Variants in GNG12 observed in about 807,000 individuals in gnomAD.
GNG12 encodes the protein G protein subunit gamma 12.
For missense variants in GNG12, 69 were observed against 83.8 expected, an observed-to-expected ratio of 0.82 and a Z score of 0.69; for synonymous variants, 28 against 29.7, an observed-to-expected ratio of 0.94 and a Z score of 0.19.
At chr1:67,786,589 A>T (rs550622611) in intron 1 of GNG12, among the ~76,000 whole-genome samples, 26 of 152,186 alleles carry the variant, frequency 1.7e-4, no homozygotes, top group Admixed American at 9.8e-4. Context: ...TGTGTTTGGC[A>T]ATGTGGAAGG....
chr1:67,751,323 C>G (rs1254206034), intron 2 of GNG12, among the ~76,000 whole-genome samples: 2 of 152,188 alleles, frequency 1.3e-5, no homozygotes, highest in Non-Finnish European at 2.9e-5. Flanking sequence ...AGTTGTTCAA[C>G]AGAGAGGCAG....
At chr1:67,782,408 G>A (rs751065754) in intron 1 of GNG12, among the ~76,000 whole-genome samples, 3 of 152,118 alleles carry the variant, frequency 2.0e-5, no homozygotes, top group Non-Finnish European at 2.9e-5. Context: ...GGTACACCCC[G>A]AAAGGTTGAA....
intron 2 of GNG12, among the ~76,000 whole-genome samples, chr1:67,751,411 A>C (rs112427809): frequency 5.3e-5 from 8 of 152,188 alleles, no homozygotes; most frequent in Admixed American, 5.2e-4. Context: ...TATCTGAAGA[A>C]AAAAGCTTTC....
intron 1 of GNG12, among the ~76,000 whole-genome samples, chr1:67,806,467 T>C (rs1034778064): frequency 7.9e-5 from 12 of 152,028 alleles, no homozygotes; most frequent in Non-Finnish European, 1.5e-4. Context: ...CAACTTTCCA[T>C]ATGTGTGCGT....
chr1:67,723,102 C>G (rs1477527232), intron 2 of GNG12, among the ~76,000 whole-genome samples: 2 of 152,128 alleles, frequency 1.3e-5, no homozygotes, highest in African/African-American at 2.4e-5. Flanking sequence ...CAGATGGAAG[C>G]AATTACAATG....
chr1:67,789,388 A>G (rs1646788298), intron 1 of GNG12, among the ~76,000 whole-genome samples: 1 of 152,224 alleles, frequency 6.6e-6, no homozygotes, highest in African/African-American at 2.4e-5. Flanking sequence ...TTGTATTTGA[A>G]TGGAACTATA....
intron 1 of GNG12, among the ~76,000 whole-genome samples, chr1:67,803,365 A>T (rs986402367): frequency 9.9e-5 from 15 of 152,174 alleles, no homozygotes; most frequent in East Asian, 9.7e-4. Context: ...TAAAAAAAAA[A>T]TTTTTTTTAA....
intron 2 of GNG12, among the ~76,000 whole-genome samples, chr1:67,768,325 G>T (rs1646653576): frequency 1.3e-5 from 2 of 152,146 alleles, no homozygotes; most frequent in African/African-American, 4.8e-5. Flanking sequence ...GAGCCTTATT[G>T]TTAGTCCCTG....
intron 1 of GNG12, among the ~76,000 whole-genome samples, chr1:67,815,587 C>CAA (rs1363441363): frequency 6.6e-6 from 1 of 152,312 alleles, no homozygotes; most frequent in African/African-American, 2.4e-5. Context: ...TGACGTTCTT[C>CAA]CTTCAGGGAC....
chr1:67,742,892 A>C (rs1646490330), intron 2 of GNG12, among the ~76,000 whole-genome samples: 1 of 151,672 alleles, frequency 6.6e-6, no homozygotes, highest in Admixed American at 6.6e-5. Flanking sequence ...TATTGACACA[A>C]GGATAAGTTA....
intron 2 of GNG12, among the ~76,000 whole-genome samples, chr1:67,709,625 C>T (rs549682951): frequency 6.6e-6 from 1 of 151,072 alleles, no homozygotes; most frequent in Non-Finnish European, 1.5e-5. Context: ...ATTCCTCAGT[C>T]ATCCCTGCCC....
At chr1:67,774,033 G>A (rs1158020159) in intron 2 of GNG12, among the ~76,000 whole-genome samples, 1 of 152,176 alleles carries the variant, frequency 6.6e-6, no homozygotes. Context: ...AGTCGTCATT[G>A]TTTTACCTAC....
intron 2 of GNG12, among the ~76,000 whole-genome samples, chr1:67,766,390 G>A (rs1405244967): frequency 2.0e-5 from 3 of 151,472 alleles, no homozygotes; most frequent in Non-Finnish European, 4.4e-5. Context: ...GGGTCTTTCC[G>A]CGCTCCTGCT....
At chr1:67,728,228 A>G (rs1201680298) in intron 2 of GNG12, among the ~76,000 whole-genome samples, 1 of 152,166 alleles carries the variant, frequency 6.6e-6, no homozygotes, top group East Asian at 1.9e-4. Context: ...GAGTCAGAGT[A>G]TCAGGGTAGG....
intron 2 of GNG12, among the ~76,000 whole-genome samples, chr1:67,752,153 T>C (rs1646542903): frequency 6.6e-6 from 1 of 152,234 alleles, no homozygotes; most frequent in African/African-American, 2.4e-5. Context: ...GGCCTTTTCT[T>C]TGATCAGCTC....
chr1:67,712,748 C>T (rs1646303052), intron 2 of GNG12, among the ~76,000 whole-genome samples: 1 of 151,798 alleles, frequency 6.6e-6, no homozygotes, highest in Non-Finnish European at 1.5e-5. Context: ...GCCACCCTTC[C>T]CACTGCGCCA....
chr1:67,811,727 T>C (rs1646927067), intron 1 of GNG12, among the ~76,000 whole-genome samples: 1 of 152,212 alleles, frequency 6.6e-6, no homozygotes, highest in South Asian at 2.1e-4. Flanking sequence ...TACTCTGTGG[T>C]GTCAAAAACA....
chr1:67,756,581 T>C (rs549636032), intron 2 of GNG12, among the ~76,000 whole-genome samples: 14 of 152,244 alleles, frequency 9.2e-5, no homozygotes, highest in African/African-American at 3.1e-4. Context: ...GGCCACAAGA[T>C]AGGGTGTGAT....
intron 1 of GNG12, among the ~76,000 whole-genome samples, chr1:67,820,137 C>T (rs1646976757): frequency 6.6e-6 from 1 of 151,734 alleles, no homozygotes; most frequent in South Asian, 2.1e-4. Flanking sequence ...GCCTGTAATC[C>T]CAGCACTTTG....
Sources: allele counts gnomAD v4.1 joint callset (sites outside exome capture counted in the v4.1 genomes callset), GRCh38; gene constraint gnomAD v4.1.1; transcripts MANE v1.5; gene names NCBI Gene and HGNC (gene_info 2026-07-23, HGNC 2026-07-21).